POLG2: variants seen among roughly 807,000 people sequenced by gnomAD.
POLG2 encodes the protein DNA polymerase subunit gamma-2.
In POLG2, 50 loss-of-function variants were observed where a neutral mutation model predicts 56.5. That is an observed-to-expected ratio of 0.88 (90% CI 0.71 to 1.12). POLG2 has a LOEUF of 1.12. POLG2 is among the 50% of genes most tolerant of loss of function. The pLI is 0.00. For missense variants in POLG2, 584 were observed against 583.3 expected (o/e 1.00, Z -0.01); for synonymous variants, 226 against 222.6 (o/e 1.02, Z -0.14).
intron 6 of POLG2, 81 bp downstream of exon 6, chr17:64,482,838 T>C (rs2037884445): frequency 1.2e-6 from 1 of 831,368 alleles, no homozygotes; most frequent in Admixed American, 1.8e-5. Flanking sequence ...AAATCCGAGA[T>C]CCAAAATGGT....
intron 4 of POLG2, among the ~76,000 whole-genome samples, chr17:64,489,398 T>C (rs1036910658): frequency 1.3e-5 from 2 of 151,320 alleles, no homozygotes; most frequent in African/African-American, 4.9e-5. Flanking sequence ...AAAACACCAT[T>C]GGCAAACCTC....
rs1266715615 is a variant in POLG2, at chr17:64,496,810, G to T, written c.159C>A (p.Asn53Lys). The change falls in exon 1 of 8, where the codon AAC becomes AAA. Residue 53 changes from asparagine (N) to lysine (K), a missense_variant. Asn to Lys is a moderately conservative substitution (Grantham distance 94). Transcript: ENST00000539111. ...HVKSHAELEG[N>K]GEHPEAPGSG... ...ACCCGGGGGCTTCTGGGTGCTCGCC[G>T]TTCCCCTCGAGCTCCGCGTGCGACT... is the stretch of plus-strand genomic sequence containing the variant. 6.2e-6 allele frequency: 10 copies of T among 1,613,618 alleles called. No individual in the cohort carries two copies. Among genetic ancestry groups the T allele is most frequent in the South Asian group, 5.5e-5 (5 of 91,080 alleles).
intron 3 of POLG2, chr17:64,491,472 G>T: frequency 8.8e-7 from 1 of 1,130,944 alleles, no homozygotes; most frequent in South Asian, 1.3e-5. Context: ...ATTGTGCAAC[G>T]GCAGTCCAGC....
chr17:64,492,881 G>A lies in POLG2; in HGVS notation c.689+14C>T. On this transcript the variant is annotated intron_variant, in intron 2 of 7. Coordinates refer to ENST00000539111, the MANE Select transcript of POLG2 (RefSeq NM_007215.4). ...ATTTAAATACAAGGCCAAGTTATTT[G>A]CCACTTTTTATACCTTTTAACACCA... 1.2e-6 allele frequency: 2 copies of A among 1,613,728 alleles called. No individual in the cohort carries two copies. The highest frequency in any genetic ancestry group is 1.7e-6 in the Non-Finnish European group (2 of 1,179,636).
At position 64,483,981 on chromosome 17, in the gene POLG2, C is replaced by G. The variant is rs534799512; in HGVS notation, c.1111-982G>C. The G allele has an allele frequency of 3.9e-5, 6 of 152,432 alleles. No homozygotes were observed. In the East Asian group the frequency reaches 1.2e-3, roughly 29 times the overall value. 9.4% of individuals were successfully genotyped at this position (152,432 alleles called of 1,614,324 possible). A position where few individuals can be genotyped will look rare whatever the true frequency, so the allele number is the denominator to read the frequency against. On this transcript the variant is annotated intron_variant, in intron 5 of 7. Coordinates refer to ENST00000539111, the MANE Select transcript of POLG2 (RefSeq NM_007215.4). Reference sequence around the variant, plus strand: ...CCACCCACCTTGGCTTCCCAAAGTGCTGGGATTATAGGCGTGAGCCATTCA... The same window carrying G: ...CCACCCACCTTGGCTTCCCAAAGTGGTGGGATTATAGGCGTGAGCCATTCA...
chr17:64,486,009 C>T, intron 4 of POLG2, 141 bp from the exon 5 acceptor site: 1 of 735,672 alleles, frequency 1.4e-6, no homozygotes, highest in Admixed American at 2.1e-5. Context: ...CTCTGCCTCC[C>T]AGGTTCAAGT....
intron 1 of POLG2, among the ~76,000 whole-genome samples, chr17:64,495,840 C>G (rs1012327792): frequency 6.6e-6 from 1 of 152,024 alleles, no homozygotes; most frequent in Non-Finnish European, 1.5e-5. Flanking sequence ...TCCCAAGTAG[C>G]TGGGATTACA....
intron 1 of POLG2, among the ~76,000 whole-genome samples, chr17:64,495,693 C>A (rs116584285): frequency 0.01 from 1,566 of 152,268 alleles, 22 homozygotes; most frequent in African/African-American, 0.036. Flanking sequence ...TTCCTAATAA[C>A]AACTAACCCA....
rs1555669551 is a variant in POLG2, at chr17:64,496,559, G to C, written c.410C>G (p.Pro137Arg). The C allele has an allele frequency of 3.1e-6, 5 of 1,613,854 alleles. No homozygotes were observed. The highest frequency in any genetic ancestry group is 4.2e-6 in the Non-Finnish European group (5 of 1,179,814). The change falls in exon 1 of 8, where the codon CCT becomes CGT. Residue 137 changes from proline (P) to arginine (R), a missense_variant. Physicochemically the swap from Pro to Arg is moderately radical, Grantham distance 103 (BLOSUM62 -2). Coordinates refer to ENST00000539111, the MANE Select transcript of POLG2 (RefSeq NM_007215.4). ...PVDALHHKPG[P>R]LLPGDSAFRL... ...GAAGGCACTGTCCCCGGGTAGCAAAGGGCCTGGTTTGTGGTGGAGGGCGTC... is the reference window on the plus strand; with the variant it reads ...GAAGGCACTGTCCCCGGGTAGCAAACGGCCTGGTTTGTGGTGGAGGGCGTC...
At chr17:64,494,911 C>G (rs544814482) in intron 1 of POLG2, among the ~76,000 whole-genome samples, 1 of 152,310 alleles carries the variant, frequency 6.6e-6, no homozygotes, top group South Asian at 2.1e-4. Context: ...CAGTGGCTCA[C>G]GCCTGTAATC....
In POLG2 at chr17:64,482,910, T is replaced by G; in HGVS notation, c.1191+9A>C. ...TAATTAAAATGACATTTAAACTCAT[T>G]TAACTCACCTGTCTTAGTTCCAATG... On this transcript the variant is annotated intron_variant, in intron 6 of 7. Transcript: ENST00000539111. 1 of 1,455,440 alleles carries G rather than the reference T, an allele frequency of 6.9e-7. No homozygotes were observed. Among genetic ancestry groups the G allele is most frequent in the Non-Finnish European group, 9.5e-7 (1 of 1,052,650 alleles). 90.2% of individuals were successfully genotyped at this position (1,455,440 alleles called of 1,614,324 possible).
At position 64,477,793 on chromosome 17, in the gene POLG2, G is replaced by A. The variant is rs1035746078; in HGVS notation, c.*30C>T. On this transcript the variant is annotated 3_prime_UTR_variant, in exon 8 of 8. Coordinates refer to ENST00000539111, the MANE Select transcript of POLG2 (RefSeq NM_007215.4). Reference sequence around the variant, plus strand: ...AACATAAGACAACCAAATTAGGAGAGAAGAATATTTATTATACAAATATAA... The same window carrying A: ...AACATAAGACAACCAAATTAGGAGAAAAGAATATTTATTATACAAATATAA... 1.4e-5 allele frequency: 22 copies of A among 1,533,938 alleles called. No individual in the cohort carries two copies. In the Admixed American group the frequency reaches 2.6e-4, roughly 18 times the overall value.
At chr17:64,495,151 C>A (rs1343965641) in intron 1 of POLG2, among the ~76,000 whole-genome samples, 8 of 127,768 alleles carry the variant, frequency 6.3e-5, no homozygotes, top group South Asian at 4.7e-4. Context: ...GCACTCCAGC[C>A]TGGGCGGCAG....
At chr17:64,480,533 C>T (rs1340679354) in intron 6 of POLG2, 144 bp from the exon 7 acceptor site, 1 of 511,980 alleles carries the variant, frequency 2.0e-6, no homozygotes, top group Non-Finnish European at 3.7e-6. Context: ...ATGTTTATAA[C>T]TTCCATATCA....
chr17:64,496,689 C>A lies in POLG2; in HGVS notation c.280G>T (p.Gly94Trp). ...AAGGGTCCGAAGCCGGGGTGGCACC[C>A]ACTCAGAAGAGAATCCCGGCTAAGC... ...QQLSRDSLLS[G>W]CHPGFGPLGV... Residue 94 changes from glycine to tryptophan, a missense_variant, in exon 1 of 8, where the codon GGG (glycine) becomes TGG (tryptophan). Gly to Trp is a radical substitution (Grantham distance 184, BLOSUM62 -2). Transcript: ENST00000539111. The A allele has an allele frequency of 6.2e-7, 1 of 1,614,070 alleles. No homozygotes were observed. The highest frequency in any genetic ancestry group is 8.5e-7 in the Non-Finnish European group (1 of 1,180,010).
At position 64,485,795 on chromosome 17, in the gene POLG2, G is replaced by T; in HGVS notation, c.1043C>A (p.Ala348Asp). The T allele has an allele frequency of 6.2e-7, 1 of 1,612,186 alleles. No homozygotes were observed. The highest frequency in any genetic ancestry group is 2.2e-5 in the East Asian group (1 of 44,880). ...CAGCTGGAAAGAATCATAGAGGTAG[G>T]CCAGCATGCCTCGGTCTAGGTCCCC... ...VNGDLDRGML[A>D]YLYDSFQLTE... is the part of the protein sequence containing the mutation. Residue 348 changes from alanine (A) to aspartate (D), a missense_variant, in exon 5 of 8, where the codon GCC becomes GAC. Coordinates refer to ENST00000539111, the MANE Select transcript of POLG2 (RefSeq NM_007215.4).
chr17:64,488,367 T>C (rs1555667876), intron 4 of POLG2, among the ~76,000 whole-genome samples: 2 of 152,150 alleles, frequency 1.3e-5, no homozygotes, highest in African/African-American at 4.8e-5. Flanking sequence ...GAAAAATTTC[T>C]GCAATAGGAA....
intron 3 of POLG2, 88 bp from the exon 4 acceptor site, chr17:64,491,057 C>T (rs947818129): frequency 1.4e-5 from 15 of 1,050,040 alleles, no homozygotes; most frequent in Admixed American, 5.3e-5. Flanking sequence ...TTAAATTGTC[C>T]GATACTTTTT....
chr17:64,497,049 A>C lies in POLG2; in HGVS notation c.-81T>G. 7.1e-7 allele frequency: 1 copy of C among 1,415,286 alleles called. No homozygotes were observed. The highest frequency in any genetic ancestry group is 1.7e-5 in the Admixed American group (1 of 57,952). 87.7% of individuals were successfully genotyped at this position (1,415,286 alleles called of 1,614,324 possible). A position where few individuals can be genotyped will look rare whatever the true frequency, so the allele number is the denominator to read the frequency against. ...CACCACTACCGTTAACAGAATCCGG[A>C]GAGGCCACGGCGCAGGCGCAACGGA... On this transcript the variant is annotated 5_prime_UTR_variant, in exon 1 of 8. Coordinates refer to ENST00000539111, the MANE Select transcript of POLG2 (RefSeq NM_007215.4).
Sources: gnomAD v4.1 joint callset for allele counts (sites outside exome capture counted in the v4.1 genomes callset) on GRCh38, gnomAD v4.1.1 for gene constraint, MANE v1.5 for transcripts, NCBI Gene and HGNC (gene_info 2026-07-23, HGNC 2026-07-21) for gene names.